The following TLN2 variants were observed in gnomAD, a reference collection of about 807,000 sequenced individuals.
The protein encoded by TLN2 is talin 2.
TLN2 carries 118 observed loss-of-function variants against 294.7 expected under a neutral mutation model. That is an observed-to-expected ratio of 0.40 (90% CI 0.34 to 0.47). The LOEUF is 0.47. TLN2 is among the 20% of genes least tolerant of loss of function. The pLI is 0.84. For missense variants in TLN2, 3,083 were observed against 3,282.2 expected (o/e 0.94, Z 1.48); for synonymous variants, 1,431 against 1,304.5 (o/e 1.10, Z -2.09).
intron 1 of TLN2, among the ~76,000 whole-genome samples, chr15:62,552,937 C>G (rs186798034): frequency 6.6e-6 from 1 of 152,242 alleles, no homozygotes; most frequent in East Asian, 1.9e-4. Flanking sequence ...TGAGAATTGA[C>G]TATGTGTTTA....
chr15:62,432,841 A>G (rs1335449330), intron 1 of TLN2, among the ~76,000 whole-genome samples: 1 of 152,136 alleles, frequency 6.6e-6, no homozygotes, highest in African/African-American at 2.4e-5. Context: ...CTTGTGAAAC[A>G]TGCTGACTCC....
At chr15:62,728,112 C>A (rs1042469871) in intron 28 of TLN2, among the ~76,000 whole-genome samples, 13 of 152,148 alleles carry the variant, frequency 8.5e-5, no homozygotes, top group Admixed American at 3.3e-4. Flanking sequence ...CCGGATGCTC[C>A]CTTGTGCCCC....
At chr15:62,698,592 C>T (rs982383295) in intron 15 of TLN2, among the ~76,000 whole-genome samples, 162 bp from the exon 16 acceptor site, 3 of 152,198 alleles carry the variant, frequency 2.0e-5, no homozygotes, top group African/African-American at 7.2e-5. Flanking sequence ...GTATCTATTT[C>T]TGGCCTCCAG....
rs368947181 is a variant in TLN2, at chr15:62,718,799, A to T, written c.2878-968A>T. On this transcript the variant is annotated intron_variant, in intron 24 of 58. Transcript: ENST00000636159. Reference sequence around the variant, plus strand: ...CTGCTCACATGCAGGGACATGCCACAGGATGAGTGAGACCTCTCGCCCCTC... The same window carrying T: ...CTGCTCACATGCAGGGACATGCCACTGGATGAGTGAGACCTCTCGCCCCTC... 1.2e-3 allele frequency among the ~76,000 whole-genome samples: 189 copies of T among 152,352 alleles called. 1 individual carries two copies. Among genetic ancestry groups the T allele is most frequent in the African/African-American group, 4.5e-3 (186 of 41,592 alleles).
At chr15:62,744,766 C>T (rs2061525595) in intron 32 of TLN2, among the ~76,000 whole-genome samples, 1 of 151,998 alleles carries the variant, frequency 6.6e-6, no homozygotes, top group South Asian at 2.1e-4. Context: ...AGGCTGGTCT[C>T]AAAACTCCTG....
chr15:62,809,504 CAG>C (rs1023466947), intron 51 of TLN2, among the ~76,000 whole-genome samples: 1 of 152,098 alleles, frequency 6.6e-6, no homozygotes, highest in African/African-American at 2.4e-5. Context: ...AGCCTGTGAG[CAG>C]AGAGGGGCTT....
At chr15:62,636,549 T>C (rs2050404607) in intron 3 of TLN2, among the ~76,000 whole-genome samples, 1 of 152,082 alleles carries the variant, frequency 6.6e-6, no homozygotes, top group African/African-American at 2.4e-5. Context: ...GTGGCAAGAA[T>C]AGGTTTTTAA....
intron 1 of TLN2, among the ~76,000 whole-genome samples, chr15:62,437,206 G>A (rs1379709928): frequency 6.6e-5 from 10 of 152,286 alleles, no homozygotes; most frequent in East Asian, 3.9e-4. Context: ...TTAGGAGGGC[G>A]TCTCCCATGT....
At chr15:62,553,668 T>A (rs556724332) in intron 1 of TLN2, among the ~76,000 whole-genome samples, 1 of 152,328 alleles carries the variant, frequency 6.6e-6, no homozygotes, top group East Asian at 1.9e-4. Flanking sequence ...CACATAAAAA[T>A]AAATGAATTT....
chr15:62,631,771 C>T (rs1343010047), intron 3 of TLN2, among the ~76,000 whole-genome samples: 1 of 138,574 alleles, frequency 7.2e-6, no homozygotes, highest in Admixed American at 7.3e-5. Context: ...TTGGTATAGA[C>T]GGGGTCTCCC....
intron 1 of TLN2, among the ~76,000 whole-genome samples, chr15:62,588,669 T>TATATATATATATATATATACATTTTTTTC (rs2045838741): frequency 2.5e-5 from 1 of 40,278 alleles, no homozygotes; most frequent in Non-Finnish European, 4.5e-5. Context: ...TTTTTTCATA[T>TATATATATATATATATATACATTTTTTTC]ATATATATAT....
intron 2 of TLN2, among the ~76,000 whole-genome samples, chr15:62,613,337 A>T (rs77386929): frequency 0.025 from 3,880 of 152,314 alleles, 68 homozygotes; most frequent in Middle Eastern, 0.041. Flanking sequence ...AATTATTTAG[A>T]ATGGTCAACT....
chr15:62,402,024 G>C (rs2033062201), intron 1 of TLN2, among the ~76,000 whole-genome samples: 1 of 152,206 alleles, frequency 6.6e-6, no homozygotes, highest in African/African-American at 2.4e-5. Flanking sequence ...CAAAATGTCA[G>C]TAGTCCCAGG....
intron 45 of TLN2, among the ~76,000 whole-genome samples, chr15:62,789,242 C>T (rs935478579): frequency 2.0e-5 from 3 of 152,190 alleles, no homozygotes; most frequent in African/African-American, 7.2e-5. Flanking sequence ...ACCTAGATGA[C>T]AGTTGCGTGA....
chr15:62,400,488 G>A (rs2032937207), intron 1 of TLN2, among the ~76,000 whole-genome samples: 3 of 152,176 alleles, frequency 2.0e-5, no homozygotes, highest in Non-Finnish European at 4.4e-5. Flanking sequence ...ATAGATATAT[G>A]TTTCATCAGC....
chr15:62,661,793 A>AAAAT (rs2053865374), intron 9 of TLN2, among the ~76,000 whole-genome samples: 1 of 152,144 alleles, frequency 6.6e-6, no homozygotes, highest in African/African-American at 2.4e-5. Context: ...ACTTAAATCA[A>AAAAT]AAATGTAGCT....
At chr15:62,825,126 T>C (rs1436181586) in intron 54 of TLN2, among the ~76,000 whole-genome samples, 1 of 152,152 alleles carries the variant, frequency 6.6e-6, no homozygotes, top group Non-Finnish European at 1.5e-5. Flanking sequence ...CTGGAATCCT[T>C]CTCCATTGAG....
At chr15:62,809,584 C>T (rs555996575) in intron 51 of TLN2, among the ~76,000 whole-genome samples, 16 of 152,254 alleles carry the variant, frequency 1.1e-4, no homozygotes, top group South Asian at 1.0e-3. Context: ...CAGCTGTAAG[C>T]GCTGATCATG....
intron 1 of TLN2, among the ~76,000 whole-genome samples, chr15:62,483,776 A>G (rs1363761719): frequency 6.6e-6 from 1 of 152,180 alleles, no homozygotes; most frequent in Non-Finnish European, 1.5e-5. Flanking sequence ...GTTTTGTTCA[A>G]TGGAAACATT....
Sources: allele counts gnomAD v4.1 joint callset (sites outside exome capture counted in the v4.1 genomes callset), GRCh38; gene constraint gnomAD v4.1.1; transcripts MANE v1.5; gene names NCBI Gene and HGNC (gene_info 2026-07-23, HGNC 2026-07-21).